ABCA6: variants seen among roughly 807,000 people sequenced by gnomAD.
ABCA6 encodes ATP binding cassette subfamily A member 6, also known as ATP-binding cassette sub-family A member 6.
A neutral mutation model predicts 191.2 loss-of-function variants in ABCA6; 164 were observed. The observed-to-expected ratio is 0.86, with a 90% confidence interval of 0.76 to 0.98. ABCA6 has a LOEUF of 0.98. ABCA6 is among the 50% of genes least tolerant of loss of function. The pLI is 0.00. For synonymous variants in ABCA6, 636 were observed against 647.7 expected, an observed-to-expected ratio of 0.98 and a Z score of 0.27; for missense variants, 1,958 against 1,894.1, an observed-to-expected ratio of 1.03 and a Z score of -0.63.
chr17:69,136,571 T>C (rs894018798), intron 3 of ABCA6, among the ~76,000 whole-genome samples: 1 of 152,178 alleles, frequency 6.6e-6, no homozygotes, highest in Non-Finnish European at 1.5e-5. Flanking sequence ...ATTGTTGTAG[T>C]TACTATACAG....
chr17:69,124,081 T>C (rs1457789165), intron 9 of ABCA6, among the ~76,000 whole-genome samples: 1 of 152,050 alleles, frequency 6.6e-6, no homozygotes, highest in Non-Finnish European at 1.5e-5. Flanking sequence ...GAAATCTATA[T>C]ATTCCTGCTT....
rs1218396726 is a variant in ABCA6, at chr17:69,113,348, C to T, written c.1915G>A (p.Asp639Asn). The T allele has an allele frequency of 6.3e-7, 1 of 1,591,964 alleles. No individual in the cohort carries two copies. Among genetic ancestry groups the T allele is most frequent in the South Asian group, 1.2e-5 (1 of 86,682 alleles). ...GGATCCAATCCAGTAGTTGGTTCAT[C>T]TAAAAGCAAAATCTACAGAGAATGA... is the stretch of plus-strand genomic sequence containing the variant. Reference protein sequence around the residue: ...ILGDPQILLLDEPTTGLDPFS... With the variant: ...ILGDPQILLLNEPTTGLDPFS... The change falls in exon 15 of 39, where the codon GAT becomes AAT. Residue 639 changes from aspartate (D) to asparagine (N), a missense_variant. Coordinates refer to ENST00000284425, the MANE Select transcript of ABCA6 (RefSeq NM_080284.3).
At chr17:69,115,349 G>A in intron 12 of ABCA6, 27 bp downstream of exon 12, 1 of 1,543,552 alleles carries the variant, frequency 6.5e-7, no homozygotes, top group South Asian at 1.2e-5. Context: ...AAGACATCTT[G>A]CCTTTGAGAA....
chr17:69,123,422 G>C lies in ABCA6; in HGVS notation c.1268-15C>G, dbSNP rs145168924. Reference sequence around the variant, plus strand: ...CTCATCTCCATCTAATTAACCAAGAGGCAACAAAATATGATCAGTAATAGT... The same window carrying C: ...CTCATCTCCATCTAATTAACCAAGACGCAACAAAATATGATCAGTAATAGT... On this transcript the variant is annotated splice_polypyrimidine_tract_variant and intron_variant, in intron 9 of 38. Transcript: ENST00000284425. 8.6e-4 allele frequency: 1,244 copies of C among 1,446,832 alleles called. 11 individuals are homozygous for C. The African/African-American group carries it at 0.016, about 19-fold the overall frequency. 89.6% of individuals were successfully genotyped at this position (1,446,832 alleles called of 1,614,324 possible).
chr17:69,082,362 C>CACACACACAG (rs1447375561), intron 36 of ABCA6, among the ~76,000 whole-genome samples: 28 of 138,498 alleles, frequency 2.0e-4, no homozygotes, highest in African/African-American at 7.6e-4. Context: ...CACACACACA[C>CACACACACAG]AGATATGTGG....
chr17:69,128,224 T>A (rs1232919665), intron 8 of ABCA6, among the ~76,000 whole-genome samples: 1 of 152,144 alleles, frequency 6.6e-6, no homozygotes, highest in Non-Finnish European at 1.5e-5. Context: ...AATTATCTGT[T>A]AAACTATACT....
intron 38 of ABCA6, 64 bp downstream of exon 38, chr17:69,079,146 G>A (rs1253003749): frequency 6.3e-7 from 1 of 1,583,852 alleles, no homozygotes; most frequent in East Asian, 2.2e-5. Flanking sequence ...AAATGAACAG[G>A]AAAATGCATG....
In ABCA6 at chr17:69,079,255, G is replaced by C. The variant is rs756219509; in HGVS notation, c.4707C>G (p.Asn1569Lys). ...AAAGGCTGTATTCTTCCAGGTTAAA[G>C]TTATGCTTCACTGGAGGAAAAAAAA... is the stretch of plus-strand genomic sequence containing the variant. ...TFHKLEAVKH[N>K]FNLEEYSLSQ... Residue 1569 changes from asparagine (N) to lysine (K), a missense_variant, in exon 38 of 39, where the codon AAC becomes AAG. Transcript: ENST00000284425. 5.0e-6 allele frequency: 8 copies of C among 1,604,414 alleles called. No homozygotes were observed. In the South Asian group the frequency reaches 7.9e-5, roughly 16 times the overall value.
intron 25 of ABCA6, among the ~76,000 whole-genome samples, chr17:69,093,207 A>C (rs537005218): frequency 4.6e-5 from 7 of 152,250 alleles, no homozygotes; most frequent in Non-Finnish European, 2.9e-5. Flanking sequence ...AAATAACAGA[A>C]TAATGGCATA....
chr17:69,124,642 T>C (rs907363680), intron 9 of ABCA6, among the ~76,000 whole-genome samples: 1 of 151,890 alleles, frequency 6.6e-6, no homozygotes, highest in African/African-American at 2.4e-5. Context: ...ACCACACAAT[T>C]ACAAGATGTA....
intron 4 of ABCA6, among the ~76,000 whole-genome samples, chr17:69,135,009 A>T (rs1046759334): frequency 1.3e-5 from 2 of 150,566 alleles, no homozygotes; most frequent in African/African-American, 4.9e-5. Flanking sequence ...CAGCCTCCCA[A>T]AGCTGGGATT....
In ABCA6 at chr17:69,103,170, T is replaced by C. The variant is rs1420694940; in HGVS notation, c.2741-202A>G. Among the ~76,000 whole-genome samples the C allele has an allele frequency of 2.6e-5, 4 of 152,188 alleles. No homozygotes were observed. The East Asian group carries it at 7.7e-4, about 29-fold the overall frequency. On this transcript the variant is annotated intron_variant, in intron 20 of 38. Coordinates refer to ENST00000284425, the MANE Select transcript of ABCA6 (RefSeq NM_080284.3). The stretch of plus-strand genomic sequence containing the variant: ...AATCTTATACCACAATGAATTAGCT[T>C]TATAAATCTGTTTAATGCAAATTAA...
At chr17:69,124,798 T>A in intron 9 of ABCA6, 90 bp downstream of exon 9, 3 of 673,498 alleles carry the variant, frequency 4.5e-6, no homozygotes, top group Non-Finnish European at 4.6e-6. Context: ...AAATATTTAA[T>A]ATTCATTTTA....
In ABCA6 at chr17:69,096,206, ACTATTTCTCTATTTG is replaced by A. The variant is rs762111440; in HGVS notation, c.3408+19_3408+33del. ...TTACATTAGAAGTTTAAAAAATAACACTATTTCTCTATTTGTATGTATTATATACTTACAAAAAAG... is the reference window on the plus strand; with the variant it reads ...TTACATTAGAAGTTTAAAAAATAACATATGTATTATATACTTACAAAAAAG... On this transcript the variant is annotated intron_variant, in intron 25 of 38. Transcript: ENST00000284425. 3.7e-6 allele frequency: 4 copies of A among 1,076,776 alleles called. No individual in the cohort carries two copies. 66.7% of individuals were successfully genotyped at this position (1,076,776 alleles called of 1,614,324 possible).
chr17:69,099,579 T>A (rs2073128138), intron 22 of ABCA6: 1 of 154,306 alleles, frequency 6.5e-6, no homozygotes, highest in Non-Finnish European at 1.5e-5. Flanking sequence ...GATAGCAGCA[T>A]AAGCCTGTCT....
chr17:69,096,169 CTGTATT>C (rs2073040159), intron 25 of ABCA6, 65 bp downstream of exon 25: 2 of 680,544 alleles, frequency 2.9e-6, no homozygotes, highest in Non-Finnish European at 4.3e-6. Flanking sequence ...AGGCAGACAT[CTGTATT>C]TAAGATTACA....
intron 2 of ABCA6, among the ~76,000 whole-genome samples, chr17:69,140,176 T>C (rs915962874): frequency 7.9e-5 from 12 of 152,168 alleles, no homozygotes; most frequent in South Asian, 2.1e-4. Flanking sequence ...CATCTGTGAT[T>C]AGCCCACCTG....
rs1196866549 is a variant in ABCA6 at position 69,091,523 on chromosome 17, C to CTTTTTTTTTT, written c.3409-271_3409-262dup. ...AAAGCTAAAATGACCAAATAGACTT[C>CTTTTTTTTTT]TTTTTTTTTTTTTTTTTGAGACGGA... On this transcript the variant is annotated intron_variant, in intron 25 of 38. Transcript: ENST00000284425. Among the ~76,000 whole-genome samples the CTTTTTTTTTT allele has an allele frequency of 2.2e-4, 17 of 76,410 alleles. 3 individuals carry two copies. Among genetic ancestry groups the CTTTTTTTTTT allele is most frequent in the African/African-American group, 1.1e-3 (16 of 14,828 alleles). 50.1% of individuals were successfully genotyped at this position (76,410 alleles called of 152,430 possible).
chr17:69,136,063 C>T (rs566563801), intron 4 of ABCA6, 29 bp downstream of exon 4: 150 of 1,597,298 alleles, frequency 9.4e-5, no homozygotes, highest in Non-Finnish European at 1.2e-4. Context: ...ATGAAAAATT[C>T]CATAATGATA....
Sources: gnomAD v4.1 joint callset for allele counts (sites outside exome capture counted in the v4.1 genomes callset) on GRCh38, gnomAD v4.1.1 for gene constraint, MANE v1.5 for transcripts, NCBI Gene and HGNC (gene_info 2026-07-23, HGNC 2026-07-21) for gene names.